Variants in TRAPPC12 observed in about 807,000 individuals in gnomAD.
TRAPPC12 encodes the protein trafficking protein particle complex subunit 12.
In TRAPPC12, 61 loss-of-function variants were observed where a neutral mutation model predicts 69.2. That is an observed-to-expected ratio of 0.88 (90% CI 0.72 to 1.09). The LOEUF is 1.09. TRAPPC12 is among the 50% of genes least tolerant of loss of function. The pLI, the probability that TRAPPC12 is intolerant of heterozygous loss-of-function variation, is 0.00. For missense variants in TRAPPC12, 1,101 were observed against 1,016.4 expected (o/e 1.08, Z -1.13); for synonymous variants, 469 against 438.9 (o/e 1.07, Z -0.86).
At chr2:3,396,913 G>A (rs991375511) in intron 2 of TRAPPC12, among the ~76,000 whole-genome samples, 2 of 152,126 alleles carry the variant, frequency 1.3e-5, no homozygotes, top group African/African-American at 4.8e-5. Flanking sequence ...AGCTACTCAG[G>A]AGGCTGAGGC....
At chr2:3,415,034 A>G (rs928657680) in intron 3 of TRAPPC12, among the ~76,000 whole-genome samples, 3 of 152,074 alleles carry the variant, frequency 2.0e-5, no homozygotes, top group Non-Finnish European at 4.4e-5. Context: ...GCAGTCATGG[A>G]TTTGGTATCC....
At chr2:3,408,195 C>T (rs1661835892) in intron 3 of TRAPPC12, among the ~76,000 whole-genome samples, 1 of 152,166 alleles carries the variant, frequency 6.6e-6, no homozygotes, top group South Asian at 2.1e-4. Flanking sequence ...ACCGTGCCTC[C>T]AGTTGGAGGC....
At chr2:3,450,700 C>T (rs1255392231) in intron 6 of TRAPPC12, among the ~76,000 whole-genome samples, 1 of 152,120 alleles carries the variant, frequency 6.6e-6, no homozygotes, top group East Asian at 1.9e-4. Flanking sequence ...ACTGGAAGGT[C>T]GCAGGACTTT....
chr2:3,462,873 A>G (rs1269461672), intron 8 of TRAPPC12: 1 of 470,562 alleles, frequency 2.1e-6, no homozygotes, highest in Admixed American at 2.4e-5. Context: ...CAGTATGCAC[A>G]TCAGAACCCG....
chr2:3,475,261 A>ACACCTGGTGCTTACG (rs1666245398), intron 9 of TRAPPC12, among the ~76,000 whole-genome samples: 3 of 151,354 alleles, frequency 2.0e-5, no homozygotes, highest in East Asian at 2.0e-4. Flanking sequence ...TGGTGCTTAC[A>ACACCTGGTGCTTACG]GCCACACCTG....
intron 5 of TRAPPC12, among the ~76,000 whole-genome samples, chr2:3,432,703 CCCA>C (rs1325476603): frequency 1.3e-5 from 2 of 152,150 alleles, no homozygotes; most frequent in Non-Finnish European, 2.9e-5. Flanking sequence ...TTTCACTTTG[CCCA>C]CCGTTTTTAT....
intron 9 of TRAPPC12, chr2:3,466,404 C>T (rs902168472): frequency 2.1e-6 from 1 of 471,060 alleles, no homozygotes; most frequent in African/African-American, 2.0e-5. Flanking sequence ...GTGAGCCAGG[C>T]CCTGCGCTGA....
chr2:3,439,775 C>T (rs904954340), intron 5 of TRAPPC12, among the ~76,000 whole-genome samples: 2 of 152,106 alleles, frequency 1.3e-5, no homozygotes, highest in African/African-American at 4.8e-5. Context: ...ACCCAGGTCA[C>T]TCAGATTTTC....
chr2:3,405,670 C>T (rs1376710971), intron 3 of TRAPPC12, among the ~76,000 whole-genome samples: 2 of 152,150 alleles, frequency 1.3e-5, no homozygotes, highest in East Asian at 1.9e-4. Flanking sequence ...GCTCTTGCTC[C>T]GTGAAGTTCT....
Position 3,479,434 on chromosome 2 carries a change from C to T in TRAPPC12, c.2181C>T (p.Phe727=), listed in dbSNP as rs6767. Reference sequence around the variant, plus strand: ...TCGCCGGCAAGGAGGGGGACAGCTTCAACACACAGTGCCTCAAGCTGGCCT... The same window carrying T: ...TCGCCGGCAAGGAGGGGGACAGCTTTAACACACAGTGCCTCAAGCTGGCCT... ...EAVAGKEGDS[F]NTQCLKLA Residue 727 remains phenylalanine, a synonymous_variant, in exon 12 of 12, where the codon TTC becomes TTT. Coordinates refer to ENST00000324266, the MANE Select transcript of TRAPPC12 (RefSeq NM_016030.6). The T allele has an allele frequency of 0.4, 647,720 of 1,613,654 alleles. 132,899 individuals are homozygous for T. The highest frequency in any genetic ancestry group is 0.56 in the African/African-American group (42,293 of 74,982).
intron 6 of TRAPPC12, chr2:3,455,268 G>A (rs960188663): frequency 6.6e-6 from 1 of 152,126 alleles, no homozygotes; most frequent in African/African-American, 2.4e-5. Context: ...GGTGTTTATG[G>A]GTTATAGGAG....
rs190603029 is a variant in TRAPPC12 at position 3,456,868 on chromosome 2, C to T, written c.1531-753C>T. The T allele has an allele frequency of 7.5e-4, 232 of 309,536 alleles. 1 individual carries two copies. The highest frequency in any genetic ancestry group is 4.9e-3 in the African/African-American group (212 of 43,376). The allele number at this position is 309,536 out of a possible 1,614,324, so 19.2% of individuals were successfully genotyped here. On this transcript the variant is annotated intron_variant, in intron 6 of 11. Transcript: ENST00000324266. Reference sequence around the variant, plus strand: ...TGTTGGGATTACAGGCTTGAGCCACCGCTCAATCCCAGAAGTGTTGGGATT... The same window carrying T: ...TGTTGGGATTACAGGCTTGAGCCACTGCTCAATCCCAGAAGTGTTGGGATT...
intron 3 of TRAPPC12, among the ~76,000 whole-genome samples, chr2:3,417,625 C>G (rs991582131): frequency 1.3e-5 from 2 of 152,178 alleles, no homozygotes; most frequent in Non-Finnish European, 2.9e-5. Flanking sequence ...TGGTTCACAG[C>G]AGGCAGTCAG....
At chr2:3,427,143 G>C (rs978668712) in intron 5 of TRAPPC12, among the ~76,000 whole-genome samples, 1 of 152,206 alleles carries the variant, frequency 6.6e-6, no homozygotes, top group African/African-American at 2.4e-5. Flanking sequence ...AGAAACAGCT[G>C]TTTTCCTATT....
chr2:3,404,674 C>G (rs1427002936), intron 3 of TRAPPC12, among the ~76,000 whole-genome samples: 1 of 152,060 alleles, frequency 6.6e-6, no homozygotes, highest in Non-Finnish European at 1.5e-5. Context: ...GGAAGCGTGT[C>G]TTGTTCACCA....
chr2:3,424,424 T>C, intron 4 of TRAPPC12, 101 bp from the exon 5 acceptor site: 1 of 978,762 alleles, frequency 1.0e-6, no homozygotes. Flanking sequence ...CTTATTTTAA[T>C]ATATGAGAAA....
intron 2 of TRAPPC12, among the ~76,000 whole-genome samples, chr2:3,399,694 C>G (rs1661317342): frequency 1.3e-5 from 2 of 152,186 alleles, no homozygotes; most frequent in Admixed American, 1.3e-4. Context: ...TTCTCTTGCT[C>G]TCATGGTCTA....
chr2:3,445,158 G>T (rs868022654), intron 6 of TRAPPC12, among the ~76,000 whole-genome samples: 1 of 150,834 alleles, frequency 6.6e-6, no homozygotes, highest in Non-Finnish European at 1.5e-5. Flanking sequence ...AGCCAAGTTA[G>T]TTGAAGTAGT....
At chr2:3,425,767 A>T (rs918595384) in intron 5 of TRAPPC12, among the ~76,000 whole-genome samples, 2 of 152,238 alleles carry the variant, frequency 1.3e-5, no homozygotes, top group Non-Finnish European at 2.9e-5. Flanking sequence ...ATTTAAAACC[A>T]GTGGTACAAG....
Sources: allele counts gnomAD v4.1 joint callset (sites outside exome capture counted in the v4.1 genomes callset), GRCh38; gene constraint gnomAD v4.1.1; transcripts MANE v1.5; gene names NCBI Gene and HGNC (gene_info 2026-07-23, HGNC 2026-07-21).